The following COBL variants were observed in gnomAD, a reference collection of about 807,000 sequenced individuals.
The protein encoded by COBL is protein cordon-bleu.
Under a neutral mutation model 98.8 loss-of-function variants are expected in COBL, and 51 were observed. That is an observed-to-expected ratio of 0.52 (90% CI 0.41 to 0.65). The LOEUF (loss-of-function observed/expected upper bound fraction) is 0.65, where lower values mean the gene tolerates loss of function less well. Among genes scored for constraint, COBL ranks in the 30% least tolerant of loss-of-function variants. The pLI, the probability that COBL is intolerant of heterozygous loss-of-function variation, is 0.00. For missense variants in COBL, 1,617 were observed against 1,617.5 expected (o/e 1.00, Z 0.01); for synonymous variants, 634 against 651.7 (o/e 0.97, Z 0.41).
chr7:51,258,019 T>C (rs1797357965), intron 1 of COBL, among the ~76,000 whole-genome samples: 1 of 152,250 alleles, frequency 6.6e-6, no homozygotes, highest in Non-Finnish European at 1.5e-5. Context: ...ACCTGTAATA[T>C]AGTGTACTTG....
At chr7:51,249,537 TA>T (rs1796540278) in intron 1 of COBL, among the ~76,000 whole-genome samples, 1 of 152,238 alleles carries the variant, frequency 6.6e-6, no homozygotes. Context: ...ATTACATTTT[TA>T]TTAACATAAT....
intron 1 of COBL, among the ~76,000 whole-genome samples, chr7:51,309,026 A>T (rs1802755593): frequency 6.6e-6 from 1 of 152,294 alleles, no homozygotes; most frequent in East Asian, 1.9e-4. Flanking sequence ...AGAAACTGTC[A>T]GGGGCACCCC....
In COBL at chr7:51,109,636, T is replaced by A. The variant is rs543236761; in HGVS notation, c.958-24332A>T. Among the ~76,000 whole-genome samples, 24 of 152,272 alleles carry A rather than the reference T, an allele frequency of 1.6e-4. 1 individual carries two copies. The South Asian group carries it at 5.0e-3, about 32-fold the overall frequency. ...CTCTCAGAGTCAGTTACCACTGTGCTACCAGGCTCGATCACTCATTTATTT... is the reference window on the plus strand; with the variant it reads ...CTCTCAGAGTCAGTTACCACTGTGCAACCAGGCTCGATCACTCATTTATTT... On this transcript the variant is annotated intron_variant, in intron 6 of 12. Transcript: ENST00000265136.
intron 1 of COBL, among the ~76,000 whole-genome samples, chr7:51,288,780 TTTTAG>T (rs1563130584): frequency 0.04 from 5,936 of 147,646 alleles, 283 homozygotes; most frequent in African/African-American, 0.11. Context: ...TAAATAATAA[TTTTAG>T]AAAATACAAA....
chr7:51,316,157 C>T (rs1274581811), intron 1 of COBL, among the ~76,000 whole-genome samples: 1 of 151,964 alleles, frequency 6.6e-6, no homozygotes, highest in African/African-American at 2.4e-5. Context: ...AGAGGGAAGA[C>T]TTGATGGGAA....
intron 5 of COBL, among the ~76,000 whole-genome samples, chr7:51,142,678 C>T (rs115006439): frequency 1.8e-3 from 277 of 152,196 alleles, no homozygotes; most frequent in African/African-American, 6.5e-3. Context: ...GCTACAGCGC[C>T]CGAGCTGGTA....
rs148812779 is a variant in COBL, at chr7:51,079,768, G to A, written c.1096+5398C>T. Reference sequence around the variant, plus strand: ...CATGGGCTGGGTGAGCTGCAGAGCCGGCTGCCGAGAGGTGGCCTCTTAGAG... The same window carrying A: ...CATGGGCTGGGTGAGCTGCAGAGCCAGCTGCCGAGAGGTGGCCTCTTAGAG... On this transcript the variant is annotated intron_variant, in intron 7 of 12. Coordinates refer to ENST00000265136, the MANE Select transcript of COBL (RefSeq NM_015198.5). 5.7e-3 allele frequency among the ~76,000 whole-genome samples: 869 copies of A among 152,332 alleles called. 4 individuals carry two copies. The highest frequency in any genetic ancestry group is 0.02 in the African/African-American group (830 of 41,566).
At chr7:51,118,441 C>T (rs924125925) in intron 6 of COBL, among the ~76,000 whole-genome samples, 1 of 151,954 alleles carries the variant, frequency 6.6e-6, no homozygotes, top group Non-Finnish European at 1.5e-5. Flanking sequence ...AGAGACTTGG[C>T]CTTTTACTGA....
intron 7 of COBL, among the ~76,000 whole-genome samples, chr7:51,046,121 A>T (rs901223182): frequency 1.8e-4 from 27 of 152,124 alleles, no homozygotes; most frequent in African/African-American, 6.3e-4. Context: ...GTGGCACAGG[A>T]ATTGAAAAGA....
intron 7 of COBL, among the ~76,000 whole-genome samples, chr7:51,047,637 G>A (rs1402175792): frequency 3.9e-5 from 6 of 152,128 alleles, no homozygotes; most frequent in Non-Finnish European, 8.8e-5. Context: ...TCAAAAGCCA[G>A]TTCCACCAAA....
At chr7:51,128,330 C>T (rs1164344542) in intron 6 of COBL, among the ~76,000 whole-genome samples, 6 of 152,020 alleles carry the variant, frequency 3.9e-5, no homozygotes, top group African/African-American at 1.4e-4. Context: ...CATGGGGAGA[C>T]ATTTTATGCA....
chr7:51,161,630 C>CTTGT (rs10693639), intron 5 of COBL, among the ~76,000 whole-genome samples: 13,287 of 151,960 alleles, frequency 0.087, 712 homozygotes, highest in Middle Eastern at 0.14. Flanking sequence ...TTGTTGTTTG[C>CTTGT]TTGTTTTATA....
chr7:51,209,106 A>T (rs904568583), intron 2 of COBL, among the ~76,000 whole-genome samples: 1 of 151,022 alleles, frequency 6.6e-6, no homozygotes, highest in Non-Finnish European at 1.5e-5. Flanking sequence ...GATCAGCCAG[A>T]GGCACTCGTT....
At chr7:51,186,669 G>C (rs929700977) in intron 4 of COBL, among the ~76,000 whole-genome samples, 1 of 152,228 alleles carries the variant, frequency 6.6e-6, no homozygotes, top group African/African-American at 2.4e-5. Flanking sequence ...GCAGCTGTCT[G>C]GAGGCACCAG....
intron 1 of COBL, among the ~76,000 whole-genome samples, chr7:51,308,604 A>C (rs1250213236): frequency 6.6e-6 from 1 of 152,188 alleles, no homozygotes; most frequent in African/African-American, 2.4e-5. Flanking sequence ...CAGAGCACTT[A>C]TGATAAGACA....
intron 8 of COBL, among the ~76,000 whole-genome samples, chr7:51,039,963 T>C (rs1438896828): frequency 6.6e-6 from 1 of 152,196 alleles, no homozygotes; most frequent in Non-Finnish European, 1.5e-5. Context: ...AGAGAAAGCA[T>C]GTGTTTTCCA....
At position 51,164,520 on chromosome 7, in the gene COBL, G is replaced by A. The variant is rs535331978; in HGVS notation, c.783+19582C>T. Among the ~76,000 whole-genome samples the A allele has an allele frequency of 2.8e-4, 42 of 152,154 alleles. 1 individual carries two copies. In the South Asian group the frequency reaches 8.3e-3, roughly 30 times the overall value. ...TTTACCCTAGAATAGTATATTCGGC[G>A]AAAATATCCTTCGGACATAAAGGAG... On this transcript the variant is annotated intron_variant, in intron 5 of 12. Coordinates refer to ENST00000265136, the MANE Select transcript of COBL (RefSeq NM_015198.5).
chr7:51,118,299 A>C (rs962765034), intron 6 of COBL, among the ~76,000 whole-genome samples: 2 of 152,214 alleles, frequency 1.3e-5, no homozygotes, highest in African/African-American at 4.8e-5. Context: ...AGCATGGCTT[A>C]GCCGGGTCCT....
chr7:51,159,769 T>C lies in COBL; in HGVS notation c.784-23438A>G, dbSNP rs1786595934. ...AACTCTTCAGGATCTATGTGTATAC[T>C]ACTCCCATTGTAAGAATCGAACACT... On this transcript the variant is annotated intron_variant, in intron 5 of 12. Coordinates refer to ENST00000265136, the MANE Select transcript of COBL (RefSeq NM_015198.5). Among the ~76,000 whole-genome samples, 3 of 152,162 alleles carry C rather than the reference T, an allele frequency of 2.0e-5. No homozygotes were observed. In the South Asian group the frequency reaches 6.2e-4, roughly 32 times the overall value.
Sources: allele counts gnomAD v4.1 joint callset (sites outside exome capture counted in the v4.1 genomes callset), GRCh38; gene constraint gnomAD v4.1.1; transcripts MANE v1.5; gene names NCBI Gene and HGNC (gene_info 2026-07-23, HGNC 2026-07-21).